ROBO1: variants seen among roughly 807,000 people sequenced by gnomAD.
The protein encoded by ROBO1 is roundabout guidance receptor 1, also known as roundabout homolog 1.
ROBO1 carries 149 observed loss-of-function variants against 195.9 expected under a neutral mutation model. The ratio of observed to expected loss-of-function variants is 0.76; its 90% CI spans 0.67 to 0.87. The LOEUF is 0.87. Among genes scored for constraint, ROBO1 ranks in the 40% least tolerant of loss-of-function variants. ROBO1 has a pLI of 0.00. For missense variants in ROBO1, 1,933 were observed against 2,068.3 expected (o/e 0.93, Z 1.27); for synonymous variants, 816 against 733.2 (o/e 1.11, Z -1.82).
At chr3:78,945,967 G>GAA (rs1197763530) in intron 3 of ROBO1, among the ~76,000 whole-genome samples, 1 of 140,918 alleles carries the variant, frequency 7.1e-6, no homozygotes, top group South Asian at 2.3e-4. Context: ...GAAGTTTAGA[G>GAA]AAAAAAAAAA....
intron 3 of ROBO1, among the ~76,000 whole-genome samples, chr3:79,103,768 T>C (rs1576676893): frequency 6.6e-6 from 1 of 151,798 alleles, no homozygotes; most frequent in African/African-American, 2.4e-5. Context: ...ATGCTAATTG[T>C]TTAATTAAAA....
At chr3:78,754,251 C>T (rs2082871108) in intron 4 of ROBO1, among the ~76,000 whole-genome samples, 1 of 152,044 alleles carries the variant, frequency 6.6e-6, no homozygotes, top group Non-Finnish European at 1.5e-5. Flanking sequence ...TTCTCAGCTG[C>T]CAGTACAAAT....
intron 26 of ROBO1, among the ~76,000 whole-genome samples, chr3:78,626,272 G>C: frequency 6.6e-6 from 1 of 152,156 alleles, no homozygotes; most frequent in East Asian, 1.9e-4. Flanking sequence ...CTCAATTTTC[G>C]TAACATTCCA....
intron 2 of ROBO1, among the ~76,000 whole-genome samples, chr3:79,373,087 A>G (rs1577035685): frequency 6.6e-6 from 1 of 152,300 alleles, no homozygotes. Flanking sequence ...GTATTTTGTT[A>G]CAGCAGCTAG....
intron 3 of ROBO1, among the ~76,000 whole-genome samples, chr3:78,944,645 G>C (rs2040317831): frequency 6.6e-6 from 1 of 152,242 alleles, no homozygotes; most frequent in African/African-American, 2.4e-5. Flanking sequence ...CATCTCACTG[G>C]GGAGTGCCAG....
intron 2 of ROBO1, among the ~76,000 whole-genome samples, chr3:79,400,567 G>A (rs899306068): frequency 1.3e-5 from 2 of 151,978 alleles, no homozygotes; most frequent in African/African-American, 4.8e-5. Flanking sequence ...TTTACGTATT[G>A]ATAATAAGTT....
chr3:79,495,585 A>G (rs1330713639), intron 2 of ROBO1, among the ~76,000 whole-genome samples: 1 of 152,190 alleles, frequency 6.6e-6, no homozygotes, highest in African/African-American at 2.4e-5. Context: ...TAATTAAGAC[A>G]TAAGGGGGAA....
chr3:79,127,423 T>C (rs2080237150), intron 2 of ROBO1, among the ~76,000 whole-genome samples: 1 of 152,238 alleles, frequency 6.6e-6, no homozygotes, highest in East Asian at 1.9e-4. Context: ...TTTTAAATGA[T>C]AGAATGTGTT....
At chr3:79,258,533 G>T (rs1289857733) in intron 2 of ROBO1, among the ~76,000 whole-genome samples, 1 of 152,128 alleles carries the variant, frequency 6.6e-6, no homozygotes, top group Non-Finnish European at 1.5e-5. Flanking sequence ...GATCACAGTA[G>T]AAATTTTTAT....
chr3:78,903,666 T>C (rs1489380249), intron 4 of ROBO1, among the ~76,000 whole-genome samples: 1 of 152,146 alleles, frequency 6.6e-6, no homozygotes, highest in Non-Finnish European at 1.5e-5. Flanking sequence ...TAAGTGTGGT[T>C]ATCTTTATTT....
At chr3:79,198,110 C>T (rs545134499) in intron 2 of ROBO1, among the ~76,000 whole-genome samples, 3 of 151,992 alleles carry the variant, frequency 2.0e-5, no homozygotes, top group Non-Finnish European at 2.9e-5. Flanking sequence ...GAAGTCTTTG[C>T]CCATGCCTAT....
chr3:78,944,057 T>C (rs1295292189), intron 3 of ROBO1, among the ~76,000 whole-genome samples: 1 of 152,208 alleles, frequency 6.6e-6, no homozygotes, highest in Non-Finnish European at 1.5e-5. Context: ...CTACTAATTA[T>C]CCACCATCTT....
At chr3:79,154,078 C>T (rs977576708) in intron 2 of ROBO1, among the ~76,000 whole-genome samples, 2 of 151,644 alleles carry the variant, frequency 1.3e-5, no homozygotes, top group African/African-American at 4.8e-5. Context: ...TCTCTACTTC[C>T]CTCATTAAAA....
chr3:79,535,013 A>G (rs1037413877), intron 2 of ROBO1, among the ~76,000 whole-genome samples: 1 of 152,132 alleles, frequency 6.6e-6, no homozygotes, highest in Admixed American at 6.6e-5. Context: ...GTTTAATGTT[A>G]AGTCATCTTT....
chr3:79,175,362 T>C (rs1042168177), intron 2 of ROBO1, among the ~76,000 whole-genome samples: 11 of 152,328 alleles, frequency 7.2e-5, no homozygotes, highest in African/African-American at 2.6e-4. Flanking sequence ...CCCAGGCTGG[T>C]CTGGGACTTC....
At chr3:79,124,609 A>G (rs1381249591) in intron 3 of ROBO1, among the ~76,000 whole-genome samples, 1 of 152,140 alleles carries the variant, frequency 6.6e-6, no homozygotes, top group African/African-American at 2.4e-5. Flanking sequence ...ACAGCTCACA[A>G]CTTAGCAAAG....
intron 1 of ROBO1, among the ~76,000 whole-genome samples, chr3:79,668,504 T>G (rs2106882337): frequency 6.6e-6 from 1 of 151,846 alleles, no homozygotes; most frequent in Non-Finnish European, 1.5e-5. Flanking sequence ...AATTAGAAGT[T>G]ATTAAGAATT....
At chr3:78,989,751 T>C (rs1277509853) in intron 3 of ROBO1, among the ~76,000 whole-genome samples, 1 of 152,196 alleles carries the variant, frequency 6.6e-6, no homozygotes, top group African/African-American at 2.4e-5. Flanking sequence ...TTTCCTTCTG[T>C]TGTATAAATT....
intron 2 of ROBO1, chr3:79,508,005 C>T (rs62257610): frequency 0.071 from 10,797 of 152,274 alleles, 564 homozygotes; most frequent in East Asian, 0.19. Flanking sequence ...ATCACAAGGA[C>T]AGGAAACCAA....
Sources: gnomAD v4.1 joint callset for allele counts (sites outside exome capture counted in the v4.1 genomes callset) on GRCh38, gnomAD v4.1.1 for gene constraint, MANE v1.5 for transcripts, NCBI Gene and HGNC (gene_info 2026-07-23, HGNC 2026-07-21) for gene names.